CSF2RA: variants seen among roughly 807,000 people sequenced by gnomAD.
CSF2RA encodes the protein granulocyte-macrophage colony-stimulating factor receptor subunit alpha.
Under a neutral mutation model 51.6 loss-of-function variants are expected in CSF2RA, and 42 were observed. The ratio of observed to expected loss-of-function variants is 0.81; its 90% CI spans 0.64 to 1.05. The LOEUF is 1.05. Ranked by LOEUF, CSF2RA falls within the 50% of genes least tolerant of loss-of-function variation. The probability of loss-of-function intolerance (pLI) is 0.00; values close to 1 mark genes in which losing one functional copy is unlikely to be tolerated. For synonymous variants in CSF2RA, 222 were observed against 193.0 expected (o/e 1.15, Z -1.24); for missense variants, 530 against 501.1 (o/e 1.06, Z -0.55).
At chrX:1,318,955 G>A in the CSF2RA span, among the ~76,000 whole-genome samples, 69,859 of 146,268 alleles carry the variant, frequency 0.48, 17,062 homozygotes, top group East Asian at 0.71. Flanking sequence ...GCTTCCTTTC[G>A]CCCCCTGGTG....
intron 10 of CSF2RA, among the ~76,000 whole-genome samples, chrX:1,302,021 A>G (rs748921757): frequency 1.3e-5 from 2 of 148,510 alleles, no homozygotes; most frequent in Admixed American, 1.4e-4. Flanking sequence ...GGTTCAAGCA[A>G]TTCTCCAGCC....
intron 10 of CSF2RA, among the ~76,000 whole-genome samples, chrX:1,301,351 A>AG (rs1478293864): frequency 7.0e-6 from 1 of 143,380 alleles, no homozygotes; most frequent in Admixed American, 6.8e-5. Context: ...AAAAAAAAAA[A>AG]AAAGAAAAAG....
chrX:1,309,336 C>A, intron 12 of CSF2RA, 66 bp from the exon 13 acceptor site: 1 of 1,485,064 alleles, frequency 6.7e-7, no homozygotes, highest in Non-Finnish European at 9.4e-7. Context: ...AGAAAATAAA[C>A]ACAGCCCACT....
At chrX:1,323,865 T>A in the CSF2RA span, among the ~76,000 whole-genome samples, 1 of 151,666 alleles carries the variant, frequency 6.6e-6, no homozygotes, top group Non-Finnish European at 1.5e-5. Flanking sequence ...ATACAAAAAA[T>A]TAGCCGGGCG....
chrX:1,285,538 T>C, intron 3 of CSF2RA: 1 of 551,300 alleles, frequency 1.8e-6, no homozygotes, highest in Admixed American at 3.2e-5. Context: ...CTACTAAAAA[T>C]ACAAAAATTA....
At chrX:1,321,937 A>G in the CSF2RA span, among the ~76,000 whole-genome samples, 1 of 151,930 alleles carries the variant, frequency 6.6e-6, no homozygotes, top group Non-Finnish European at 1.5e-5. Context: ...GGAGTTCGAG[A>G]CCAGCCTGAC....
intron 2 of CSF2RA, 171 bp downstream of exon 2, chrX:1,274,989 T>A: frequency 2.6e-6 from 1 of 382,922 alleles, no homozygotes. Context: ...AAATTTAACA[T>A]GTCACGTTCC....
At chrX:1,301,287 A>G (rs1379691540) in intron 10 of CSF2RA, among the ~76,000 whole-genome samples, 6 of 138,502 alleles carry the variant, frequency 4.3e-5, no homozygotes, top group African/African-American at 1.3e-4. Context: ...AGCTGGGGTC[A>G]CGCCATTGCA....
Position 1,305,431 on chromosome X carries a change from TTC to T in CSF2RA, c.1044-11_1044-10del, listed in dbSNP as rs750466661. 1.2e-4 allele frequency: 199 copies of T among 1,613,958 alleles called. 2 individuals carry two copies. In the Middle Eastern group the frequency reaches 2.8e-3, roughly 23 times the overall value. On this transcript the variant is annotated splice_polypyrimidine_tract_variant and intron_variant, in intron 11 of 12. Transcript: ENST00000381529. ...CCGGGGTTCATTCTCTTCACACTTTTTCTCTGTGTCTCAGGTTCCTTAGGATA... is the reference window on the plus strand; with the variant it reads ...CCGGGGTTCATTCTCTTCACACTTTTTCTGTGTCTCAGGTTCCTTAGGATA...
At chrX:1,277,642 G>T (rs1205069623) in intron 2 of CSF2RA, among the ~76,000 whole-genome samples, 1 of 138,294 alleles carries the variant, frequency 7.2e-6, no homozygotes, top group Non-Finnish European at 1.6e-5. Flanking sequence ...GCAGTGCAAA[G>T]CCAAAGCAAA....
chrX:1,318,312 C>CCT, the CSF2RA span, among the ~76,000 whole-genome samples: 1 of 151,802 alleles, frequency 6.6e-6, no homozygotes, highest in Non-Finnish European at 1.5e-5. Context: ...TACAGGCATA[C>CCT]GCCACCACAC....
rs184800918 is a variant in CSF2RA, at chrX:1,303,322, G to A, written c.947-601G>A. ...ACAATCTCGGCTCACTGCAACCTCC[G>A]TCTCCCAGGCTCAAGCGATTCTCCT... On this transcript the variant is annotated intron_variant, in intron 10 of 12. Coordinates refer to ENST00000381529, the MANE Select transcript of CSF2RA (RefSeq NM_172245.4). The A allele has an allele frequency of 2.2e-3, 958 of 428,536 alleles. 7 individuals are homozygous for A. Among genetic ancestry groups the A allele is most frequent in the African/African-American group, 0.017 (843 of 49,310 alleles). 26.5% of individuals were successfully genotyped at this position (428,536 alleles called of 1,614,324 possible).
chrX:1,285,981 C>T (rs2090600842), intron 4 of CSF2RA, 61 bp downstream of exon 4: 2 of 1,609,078 alleles, frequency 1.2e-6, no homozygotes, highest in Non-Finnish European at 8.5e-7. Context: ...GAGTTAAAAG[C>T]AACAGGGCCG....
chrX:1,316,058 CAATA>C, the CSF2RA span, among the ~76,000 whole-genome samples: 2 of 52,944 alleles, frequency 3.8e-5, no homozygotes, highest in East Asian at 1.4e-3. Context: ...ATAGATAGAT[CAATA>C]GATAGATAGA....
chrX:1,312,907 GATGGAGCCAGGC>G (rs1290554896), downstream of CSF2RA, among the ~76,000 whole-genome samples: 1 of 152,118 alleles, frequency 6.6e-6, no homozygotes, highest in Non-Finnish European at 1.5e-5. Context: ...TTGGGGAAGA[GATGGAGCCAGGC>G]TCTTGGTGGG....
At chrX:1,314,476 GCACCTACCCAACCC>G (rs2084388054), downstream of CSF2RA, among the ~76,000 whole-genome samples, 3 of 145,370 alleles carry the variant, frequency 2.1e-5, no homozygotes, top group African/African-American at 8.0e-5. Flanking sequence ...CAACCCCAAT[GCACCTACCCAACCC>G]CACTGTGCCT....
chrX:1,283,703 G>T (rs1484211985), intron 3 of CSF2RA, among the ~76,000 whole-genome samples: 1 of 151,830 alleles, frequency 6.6e-6, no homozygotes, highest in South Asian at 2.1e-4. Context: ...GAGTAGCTGG[G>T]ATTACAGGCG....
At chrX:1,314,384 C>CAT (rs1455899429), downstream of CSF2RA, among the ~76,000 whole-genome samples, 10 of 148,464 alleles carry the variant, frequency 6.7e-5, no homozygotes, top group South Asian at 2.2e-4. Flanking sequence ...CCACTCTGTG[C>CAT]CTGCCCAACC....
chrX:1,314,919 G>C (rs1363752648), downstream of CSF2RA, among the ~76,000 whole-genome samples: 1 of 87,820 alleles, frequency 1.1e-5, no homozygotes, highest in Non-Finnish European at 2.5e-5. Flanking sequence ...CACTTCACCT[G>C]CCCAACCGCA....
Sources: allele counts gnomAD v4.1 joint callset (sites outside exome capture counted in the v4.1 genomes callset), GRCh38; gene constraint gnomAD v4.1.1; transcripts MANE v1.5; gene names NCBI Gene and HGNC (gene_info 2026-07-23, HGNC 2026-07-21).